The following PDSS2 variants were observed in gnomAD, a reference collection of about 807,000 sequenced individuals.
PDSS2 encodes the protein all trans-polyprenyl-diphosphate synthase PDSS2.
Under a neutral mutation model 44.5 loss-of-function variants are expected in PDSS2, and 31 were observed. The observed-to-expected ratio is 0.70, with a 90% confidence interval of 0.52 to 0.94. The LOEUF (loss-of-function observed/expected upper bound fraction) is 0.94, where lower values mean the gene tolerates loss of function less well. Ranked by LOEUF, PDSS2 falls within the 40% of genes least tolerant of loss-of-function variation. The probability of loss-of-function intolerance (pLI) is 0.00; values close to 1 mark genes in which losing one functional copy is unlikely to be tolerated. For synonymous variants in PDSS2, 157 were observed against 180.3 expected, an observed-to-expected ratio of 0.87 and a Z score of 1.03; for missense variants, 452 against 482.2, an observed-to-expected ratio of 0.94 and a Z score of 0.59.
chr6:107,306,527 G>A (rs1394382510), intron 2 of PDSS2, among the ~76,000 whole-genome samples: 1 of 152,008 alleles, frequency 6.6e-6, no homozygotes, highest in Non-Finnish European at 1.5e-5. Context: ...GCATGAAAAC[G>A]GACTAATACA....
At chr6:107,388,899 T>A (rs1006004258) in intron 1 of PDSS2, among the ~76,000 whole-genome samples, 7 of 151,310 alleles carry the variant, frequency 4.6e-5, no homozygotes, top group Admixed American at 4.6e-4. Context: ...AATAACCTAC[T>A]GATTCACACA....
rs370339186 is a variant in PDSS2 at position 107,306,231 on chromosome 6, G to A, written c.431+27967C>T. Among the ~76,000 whole-genome samples the A allele has an allele frequency of 2.6e-5, 4 of 152,298 alleles. No homozygotes were observed. In the East Asian group the frequency reaches 7.7e-4, roughly 29 times the overall value. The stretch of plus-strand genomic sequence containing the variant: ...ACCCAAATTCATCTTGAATTCCCAT[G>A]TGTTGTGGGAGGGACCTGGTGGGAA... On this transcript the variant is annotated intron_variant, in intron 2 of 7. Transcript: ENST00000369037.
intron 7 of PDSS2, among the ~76,000 whole-genome samples, chr6:107,156,196 CTT>C (rs11447270): frequency 2.5e-5 from 3 of 117,946 alleles, no homozygotes; most frequent in Non-Finnish European, 3.4e-5. Context: ...GGCCTGAATG[CTT>C]TTTTTTTTTT....
intron 4 of PDSS2, among the ~76,000 whole-genome samples, chr6:107,231,000 G>C (rs1056603061): frequency 6.6e-6 from 1 of 152,008 alleles, no homozygotes; most frequent in African/African-American, 2.4e-5. Context: ...CTTGAACCCA[G>C]GAGTTTGAGA....
intron 2 of PDSS2, among the ~76,000 whole-genome samples, chr6:107,296,804 C>T (rs1776523796): frequency 6.6e-6 from 1 of 152,176 alleles, no homozygotes; most frequent in African/African-American, 2.4e-5. Flanking sequence ...AAATAGAGTA[C>T]TGCATACTTA....
Position 107,459,401 on chromosome 6 carries a change from C to G in PDSS2, c.-116G>C. The G allele has an allele frequency of 1.2e-6, 1 of 826,296 alleles. No homozygotes were observed. 51.2% of individuals were successfully genotyped at this position (826,296 alleles called of 1,614,324 possible). A position where few individuals can be genotyped will look rare whatever the true frequency, so the allele number is the denominator to read the frequency against. On this transcript the variant is annotated 5_prime_UTR_variant, in exon 1 of 8. The change abolishes the stop of an existing upstream ORF in the 5' untranslated region. Transcript: ENST00000369037. This position sits in a 1 kb window ranked among gnomAD's most constrained non-coding sequence, Gnocchi z 4.3. Reference sequence around the variant, plus strand: ...AAAGGAAGCGGCAATTCTTGACCCTCAGAGTAAGGTGGCTTCCTGGAGCAG... The same window carrying G: ...AAAGGAAGCGGCAATTCTTGACCCTGAGAGTAAGGTGGCTTCCTGGAGCAG...
At chr6:107,336,794 T>C (rs1777906420) in intron 1 of PDSS2, among the ~76,000 whole-genome samples, 1 of 150,884 alleles carries the variant, frequency 6.6e-6, no homozygotes, top group Non-Finnish European at 1.5e-5. Context: ...TGGCTTTCAA[T>C]TCTAGAAAAG....
At chr6:107,375,309 T>C (rs987263336) in intron 1 of PDSS2, among the ~76,000 whole-genome samples, 1 of 151,884 alleles carries the variant, frequency 6.6e-6, no homozygotes, top group Non-Finnish European at 1.5e-5. Flanking sequence ...TGAAAAGATA[T>C]ATAAACCAGA....
At chr6:107,177,645 A>T (rs1490103077) in intron 7 of PDSS2, among the ~76,000 whole-genome samples, 1 of 152,254 alleles carries the variant, frequency 6.6e-6, no homozygotes, top group African/African-American at 2.4e-5. Flanking sequence ...TTTTAATTTT[A>T]GTATCATATT....
intron 3 of PDSS2, among the ~76,000 whole-genome samples, chr6:107,262,157 G>A (rs947901745): frequency 6.8e-6 from 1 of 147,904 alleles, no homozygotes; most frequent in Admixed American, 6.8e-5. Context: ...ATCTGCCCGC[G>A]CGGCCTCCCA....
intron 1 of PDSS2, among the ~76,000 whole-genome samples, chr6:107,449,231 A>G (rs187044962): frequency 4.6e-5 from 7 of 152,352 alleles, no homozygotes; most frequent in Non-Finnish European, 7.3e-5. Flanking sequence ...TGAAAATGAT[A>G]TAAATGTTAT....
chr6:107,161,010 T>C lies in PDSS2; in HGVS notation c.1042-6233A>G, dbSNP rs766403593. ...ACCTCGGCCTCCAAAAGTGCTGGGA[T>C]TACAGGTGTGAGCCACTGCGCATGG... On this transcript the variant is annotated intron_variant, in intron 7 of 7. Transcript: ENST00000369037. 2.4e-4 allele frequency among the ~76,000 whole-genome samples: 36 copies of C among 152,186 alleles called. 1 individual carries two copies. The highest frequency in any genetic ancestry group is 9.2e-4 in the Admixed American group (14 of 15,276).
At chr6:107,291,870 A>T (rs1044582806) in intron 2 of PDSS2, among the ~76,000 whole-genome samples, 1 of 152,070 alleles carries the variant, frequency 6.6e-6, no homozygotes, top group African/African-American at 2.4e-5. Context: ...AAAAGAAAAA[A>T]GAAAAATGCC....
chr6:107,359,040 TG>T (rs1338381631), intron 1 of PDSS2, among the ~76,000 whole-genome samples: 1 of 141,984 alleles, frequency 7.0e-6, no homozygotes, highest in Non-Finnish European at 1.5e-5. Context: ...AGATGAGTTT[TG>T]CTCCTGTTGC....
Position 107,154,533 on chromosome 6 carries a change from CAT to C in PDSS2, c.*84_*85del, listed in dbSNP as rs1770815235. 8.2e-7 allele frequency: 1 copy of C among 1,215,298 alleles called. No individual in the cohort carries two copies. The highest frequency in any genetic ancestry group is 1.2e-5 in the South Asian group (1 of 81,496). The allele number at this position is 1,215,298 out of a possible 1,614,324, so 75.3% of individuals were successfully genotyped here. A position where few individuals can be genotyped will look rare whatever the true frequency, so the allele number is the denominator to read the frequency against. The stretch of plus-strand genomic sequence containing the variant: ...GGAAAAATGCATATGTTTTAAAAGT[CAT>C]TAACGCATCGTGAAAGCGCTCCCAA... On this transcript the variant is annotated 3_prime_UTR_variant, in exon 8 of 8. Transcript: ENST00000369037.
intron 1 of PDSS2, among the ~76,000 whole-genome samples, chr6:107,428,153 T>C (rs902439684): frequency 6.6e-6 from 1 of 152,236 alleles, no homozygotes; most frequent in African/African-American, 2.4e-5. Flanking sequence ...GAATTTTATA[T>C]TGTCCTTCAC....
At chr6:107,322,868 A>T (rs1777425579) in intron 2 of PDSS2, among the ~76,000 whole-genome samples, 1 of 152,154 alleles carries the variant, frequency 6.6e-6, no homozygotes, top group Admixed American at 6.6e-5. Context: ...GAATGAGGGA[A>T]ATCTTAACAA....
rs183182031 is a variant in PDSS2 at position 107,157,309 on chromosome 6, C to G, written c.1042-2532G>C. Among the ~76,000 whole-genome samples, 5 of 150,668 alleles carry G rather than the reference C, an allele frequency of 3.3e-5. No individual in the cohort carries two copies. In the Admixed American group the frequency reaches 3.3e-4, roughly 10 times the overall value. ...AAGTGATCTTTCCACCTCAGCCACC[C>G]GGGTAGCTGGGAAGACAGGCATGCA... On this transcript the variant is annotated intron_variant, in intron 7 of 7. Transcript: ENST00000369037.
chr6:107,457,417 A>T (rs1174775671), intron 1 of PDSS2, among the ~76,000 whole-genome samples: 2 of 152,240 alleles, frequency 1.3e-5, no homozygotes, highest in Non-Finnish European at 2.9e-5. Context: ...ACTTTTAAAA[A>T]CAACAATAGA....
Sources: allele counts gnomAD v4.1 joint callset (sites outside exome capture counted in the v4.1 genomes callset), GRCh38; gene constraint gnomAD v4.1.1; non-coding constraint Gnocchi (gnomAD v3.1); transcripts MANE v1.5; gene names NCBI Gene and HGNC (gene_info 2026-07-23, HGNC 2026-07-21).